The following HHAT variants were observed in gnomAD, a reference collection of about 807,000 sequenced individuals.
HHAT encodes the protein hedgehog acyltransferase, also known as protein-cysteine N-palmitoyltransferase HHAT.
HHAT carries 47 observed loss-of-function variants against 70.8 expected under a neutral mutation model. The observed-to-expected ratio is 0.66, with a 90% CI of 0.53 to 0.85. HHAT has a LOEUF of 0.85. Among genes scored for constraint, HHAT ranks in the 40% least tolerant of loss-of-function variants. The pLI, the probability that HHAT is intolerant of heterozygous loss-of-function variation, is 0.00. For synonymous variants in HHAT, 228 were observed against 247.6 expected, an observed-to-expected ratio of 0.92 and a Z score of 0.74; for missense variants, 609 against 604.8, an observed-to-expected ratio of 1.01 and a Z score of -0.07.
rs544607903 is a variant in HHAT, at chr1:210,358,748, G to A, written c.92-4104G>A. On this transcript the variant is annotated intron_variant, in intron 2 of 11. Transcript: ENST00000261458. Reference sequence around the variant, plus strand: ...ACTGGGTGTGCTGCTCCCTGGCAGTGGCTTGTGTCAGACTAGGGTGTGTGT... The same window carrying A: ...ACTGGGTGTGCTGCTCCCTGGCAGTAGCTTGTGTCAGACTAGGGTGTGTGT... 1.2e-3 allele frequency among the ~76,000 whole-genome samples: 180 copies of A among 152,252 alleles called. 1 individual carries two copies. Among genetic ancestry groups the A allele is most frequent in the South Asian group, 9.1e-3 (44 of 4,814 alleles).
At chr1:210,598,075 C>A (rs1663411562) in intron 10 of HHAT, among the ~76,000 whole-genome samples, 1 of 151,880 alleles carries the variant, frequency 6.6e-6, no homozygotes, top group Non-Finnish European at 1.5e-5. Context: ...TCCTTCCCTT[C>A]AAAGCAGTGG....
chr1:210,387,123 T>C (rs1429145580), intron 3 of HHAT, among the ~76,000 whole-genome samples: 1 of 152,146 alleles, frequency 6.6e-6, no homozygotes, highest in African/African-American at 2.4e-5. Flanking sequence ...CTCTGTTTCA[T>C]GTTTTGCAAA....
intron 2 of HHAT, among the ~76,000 whole-genome samples, chr1:210,353,749 C>T (rs1467989988): frequency 6.6e-6 from 1 of 151,906 alleles, no homozygotes; most frequent in Non-Finnish European, 1.5e-5. Context: ...ATCAACGGTG[C>T]CAGAGATCTT....
At chr1:210,352,602 C>T (rs983621326) in intron 2 of HHAT, among the ~76,000 whole-genome samples, 1 of 152,152 alleles carries the variant, frequency 6.6e-6, no homozygotes, top group African/African-American at 2.4e-5. Flanking sequence ...TCCTTGGGCA[C>T]AGAGCAGGCA....
At chr1:210,535,318 T>A (rs905927599) in intron 9 of HHAT, among the ~76,000 whole-genome samples, 1 of 151,970 alleles carries the variant, frequency 6.6e-6, no homozygotes, top group South Asian at 2.1e-4. Context: ...AGATGATTTA[T>A]GTGGAAGAAC....
intron 7 of HHAT, among the ~76,000 whole-genome samples, chr1:210,423,344 T>G (rs1190585635): frequency 2.0e-5 from 3 of 152,164 alleles, no homozygotes; most frequent in African/African-American, 7.2e-5. Context: ...GCTTTTCACA[T>G]ATTTATTGAC....
intron 7 of HHAT, among the ~76,000 whole-genome samples, chr1:210,446,609 G>T (rs1254403662): frequency 6.6e-6 from 1 of 151,892 alleles, no homozygotes; most frequent in Non-Finnish European, 1.5e-5. Flanking sequence ...CCCTTGCCCC[G>T]GCCTCTGTGC....
At chr1:210,431,925 A>G (rs1385945545) in intron 7 of HHAT, among the ~76,000 whole-genome samples, 1 of 151,852 alleles carries the variant, frequency 6.6e-6, no homozygotes, top group Non-Finnish European at 1.5e-5. Context: ...GAAGATTTAA[A>G]TGTTATAATT....
intron 4 of HHAT, among the ~76,000 whole-genome samples, chr1:210,397,466 C>CTATG (rs1462457062): frequency 3.5e-4 from 53 of 151,972 alleles, no homozygotes; most frequent in African/African-American, 1.2e-3. Context: ...TGTATGTCTG[C>CTATG]TCTTATTACC....
At chr1:210,528,246 T>G (rs1165327117) in intron 9 of HHAT, among the ~76,000 whole-genome samples, 3 of 152,128 alleles carry the variant, frequency 2.0e-5, no homozygotes, top group African/African-American at 7.2e-5. Context: ...GGGAAGGTTC[T>G]CCCAAGATCT....
intron 11 of HHAT, among the ~76,000 whole-genome samples, chr1:210,638,478 T>C (rs1558329778): frequency 6.6e-6 from 1 of 152,174 alleles, no homozygotes; most frequent in Non-Finnish European, 1.5e-5. Flanking sequence ...GGCAAATCTA[T>C]AGAGACACAA....
chr1:210,626,137 A>G (rs1669789006), intron 11 of HHAT, among the ~76,000 whole-genome samples: 1 of 152,198 alleles, frequency 6.6e-6, no homozygotes, highest in Admixed American at 6.5e-5. Flanking sequence ...ACAATTAACC[A>G]CGGAGCTGTG....
chr1:210,605,012 TCAACAA>T (rs66718127), intron 10 of HHAT, among the ~76,000 whole-genome samples: 65 of 150,596 alleles, frequency 4.3e-4, no homozygotes, highest in South Asian at 1.7e-3. Flanking sequence ...TGGGCAAGAC[TCAACAA>T]CAACAACAAC....
intron 11 of HHAT, among the ~76,000 whole-genome samples, chr1:210,663,658 C>T (rs1678266058): frequency 6.6e-6 from 1 of 152,174 alleles, no homozygotes; most frequent in African/African-American, 2.4e-5. Context: ...GTAGAATGCC[C>T]TTCCCCCTGC....
chr1:210,510,577 A>C (rs2094936553), intron 8 of HHAT, among the ~76,000 whole-genome samples: 1 of 152,132 alleles, frequency 6.6e-6, no homozygotes, highest in South Asian at 2.1e-4. Flanking sequence ...TTTAACATGA[A>C]CCATCATTTT....
At chr1:210,500,300 C>T (rs965319196) in intron 8 of HHAT, among the ~76,000 whole-genome samples, 5 of 152,132 alleles carry the variant, frequency 3.3e-5, no homozygotes, top group African/African-American at 4.8e-5. Context: ...ATAAGATGAC[C>T]GATTATAAAA....
At chr1:210,615,719 C>T (rs933824075) in intron 10 of HHAT, among the ~76,000 whole-genome samples, 2 of 152,236 alleles carry the variant, frequency 1.3e-5, no homozygotes, top group Non-Finnish European at 2.9e-5. Flanking sequence ...CCCTGTTTGC[C>T]TAGGTATCAG....
chr1:210,668,362 A>G (rs1158001492), intron 11 of HHAT, among the ~76,000 whole-genome samples: 1 of 152,186 alleles, frequency 6.6e-6, no homozygotes, highest in Non-Finnish European at 1.5e-5. Flanking sequence ...TTTGAATTAT[A>G]GCTCCTCAAT....
intron 9 of HHAT, among the ~76,000 whole-genome samples, chr1:210,567,957 T>C (rs77923984): frequency 0.06 from 9,069 of 152,282 alleles, 867 homozygotes; most frequent in African/African-American, 0.2. Flanking sequence ...CCTTGGAATC[T>C]CTAAAGTTAT....
Sources: allele counts gnomAD v4.1 joint callset (sites outside exome capture counted in the v4.1 genomes callset), GRCh38; gene constraint gnomAD v4.1.1; transcripts MANE v1.5; gene names NCBI Gene and HGNC (gene_info 2026-07-23, HGNC 2026-07-21).